The following TEX36 variants were observed in gnomAD, a reference collection of about 807,000 sequenced individuals.
TEX36 encodes testis expressed 36.
TEX36 carries 12 observed loss-of-function variants against 13.6 expected under a neutral mutation model. The ratio of observed to expected loss-of-function variants is 0.88; its 90% confidence interval spans 0.56 to 1.43. The LOEUF (loss-of-function observed/expected upper bound fraction) is 1.43. Ranked by LOEUF, TEX36 falls within the 40% of genes most tolerant of loss-of-function variation. The probability of loss-of-function intolerance (pLI) is 0.00; values close to 1 mark genes in which losing one functional copy is unlikely to be tolerated. For synonymous variants in TEX36, 93 were observed against 83.0 expected, an observed-to-expected ratio of 1.12 and a Z score of -0.65; for missense variants, 224 against 228.3, an observed-to-expected ratio of 0.98 and a Z score of 0.12.
intron 3 of TEX36, among the ~76,000 whole-genome samples, chr10:125,593,551 G>A (rs1017752901): frequency 6.6e-6 from 1 of 152,196 alleles, no homozygotes; most frequent in Non-Finnish European, 1.5e-5. Flanking sequence ...TAGAAAATTC[G>A]TGGATGGTGC....
chr10:125,577,289 G>A (rs1011967707), intron 3 of TEX36, among the ~76,000 whole-genome samples: 2 of 152,152 alleles, frequency 1.3e-5, no homozygotes, highest in African/African-American at 4.8e-5. Flanking sequence ...TTGAGCCCAG[G>A]AGTTGGAGAC....
chr10:125,649,448 T>C (rs553371648), intron 3 of TEX36, among the ~76,000 whole-genome samples: 11 of 152,282 alleles, frequency 7.2e-5, no homozygotes, highest in Admixed American at 3.9e-4. Context: ...GACAAACAAA[T>C]GCGGAGAGAT....
intron 3 of TEX36, among the ~76,000 whole-genome samples, chr10:125,643,010 C>T (rs1342208540): frequency 6.6e-6 from 1 of 152,206 alleles, no homozygotes; most frequent in African/African-American, 2.4e-5. Flanking sequence ...GGGGTGCTGG[C>T]ATGGAGGCAG....
intron 3 of TEX36, among the ~76,000 whole-genome samples, chr10:125,583,047 CCA>C (rs1565166271): frequency 6.6e-6 from 1 of 152,170 alleles, no homozygotes; most frequent in Non-Finnish European, 1.5e-5. Flanking sequence ...TCCTATCCTA[CCA>C]CACAATCAGA....
intron 3 of TEX36, among the ~76,000 whole-genome samples, chr10:125,582,995 A>C (rs1190648133): frequency 6.6e-6 from 1 of 152,238 alleles, no homozygotes; most frequent in Non-Finnish European, 1.5e-5. Context: ...CATGTTAGAC[A>C]TCTTCTTGCT....
chr10:125,603,470 G>C (rs530571428), intron 3 of TEX36, among the ~76,000 whole-genome samples: 10 of 151,998 alleles, frequency 6.6e-5, no homozygotes, highest in Non-Finnish European at 1.5e-4. Context: ...GCCACCCAGT[G>C]CTTCTCTTCT....
At chr10:125,670,777 G>A (rs1002023550) in intron 1 of TEX36, among the ~76,000 whole-genome samples, 1 of 151,880 alleles carries the variant, frequency 6.6e-6, no homozygotes, top group African/African-American at 2.4e-5. Flanking sequence ...GCATAAGGAA[G>A]GGGTCCAGTT....
intron 1 of TEX36, chr10:125,667,483 T>C (rs1447108442): frequency 1.4e-6 from 1 of 722,092 alleles, no homozygotes; most frequent in Admixed American, 1.8e-5. Context: ...AGGGGGTGTG[T>C]TCCCCAATCT....
intron 3 of TEX36, among the ~76,000 whole-genome samples, chr10:125,615,974 C>G (rs1049744389): frequency 6.6e-6 from 1 of 152,132 alleles, no homozygotes; most frequent in African/African-American, 2.4e-5. Context: ...TGTTATTGGT[C>G]TATTCAGAGA....
chr10:125,635,277 C>A (rs1160508698), intron 3 of TEX36, among the ~76,000 whole-genome samples: 4 of 152,214 alleles, frequency 2.6e-5, no homozygotes, highest in Non-Finnish European at 5.9e-5. Flanking sequence ...GGTAGCCAGA[C>A]TCTTACCCTG....
At chr10:125,651,745 AC>A (rs1273329370), downstream of TEX36, among the ~76,000 whole-genome samples, 1 of 152,058 alleles carries the variant, frequency 6.6e-6, no homozygotes, top group Non-Finnish European at 1.5e-5. Context: ...TATTTAGAAA[AC>A]CCCATCATCT....
rs1320420301 is a variant in TEX36 at position 125,667,426 on chromosome 10, G to A, written c.52-5449C>T. The A allele has an allele frequency of 3.4e-5, 23 of 679,366 alleles. 2 individuals are homozygous for A. The Admixed American group carries it at 3.6e-4, about 11-fold the overall frequency. The allele number at this position is 679,366 out of a possible 1,614,324, so 42.1% of individuals were successfully genotyped here. ...CAATGCCACTCTGCTAGCAGATGCT[G>A]GCATGACAGGCCAGGACGTTGGTAT... On this transcript the variant is annotated intron_variant, in intron 1 of 3. Transcript: ENST00000368821.
At chr10:125,600,811 G>A (rs1418133377) in intron 3 of TEX36, among the ~76,000 whole-genome samples, 1 of 152,114 alleles carries the variant, frequency 6.6e-6, no homozygotes, top group Non-Finnish European at 1.5e-5. Context: ...GTGTTTCAAG[G>A]GTACATGGAG....
At chr10:125,679,148 C>T (rs1008168645) in intron 1 of TEX36, among the ~76,000 whole-genome samples, 3 of 125,240 alleles carry the variant, frequency 2.4e-5, no homozygotes, top group African/African-American at 3.8e-5. Flanking sequence ...ACCCCCCCCG[C>T]CCCCGCCAAG....
downstream of TEX36, chr10:125,655,608 A>T: frequency 1.0e-6 from 1 of 995,584 alleles, no homozygotes; most frequent in Non-Finnish European, 1.2e-6. Flanking sequence ...ATCAAGGAGG[A>T]CTTTTGTTTC....
intron 1 of TEX36, among the ~76,000 whole-genome samples, chr10:125,680,732 G>A (rs1205106490): frequency 6.6e-6 from 1 of 152,154 alleles, no homozygotes; most frequent in Non-Finnish European, 1.5e-5. Context: ...GAAACTTCAT[G>A]ATCAGCACTA....
At chr10:125,576,799 A>C in exon 4 of TEX36, 1 of 1,535,924 alleles carries the variant, frequency 6.5e-7, no homozygotes, top group Non-Finnish European at 8.7e-7. Flanking sequence ...TGAGGAATGG[A>C]CTGGGTCCTC....
chr10:125,598,104 G>A lies in TEX36; in HGVS notation c.265-21230C>T, dbSNP rs577344923. Among the ~76,000 whole-genome samples the A allele has an allele frequency of 3.9e-5, 6 of 152,286 alleles. No homozygotes were observed. In the East Asian group the frequency reaches 7.7e-4, roughly 20 times the overall value. On this transcript the variant is annotated intron_variant, in intron 3 of 3. Transcript: ENST00000532135. ...AGGCCCCTAAGAGGGGTCCCTGCTA[G>A]GGTCTGTGGGCCACCTGCAAATATG... is the stretch of plus-strand genomic sequence containing the variant.
intron 1 of TEX36, among the ~76,000 whole-genome samples, chr10:125,672,212 T>C (rs568722219): frequency 6.6e-6 from 1 of 152,262 alleles, no homozygotes; most frequent in Admixed American, 6.5e-5. Flanking sequence ...GTTCTTTTAG[T>C]TGTGATGTTA....
Sources: allele counts gnomAD v4.1 joint callset (sites outside exome capture counted in the v4.1 genomes callset), GRCh38; gene constraint gnomAD v4.1.1; transcripts MANE v1.5; gene names NCBI Gene and HGNC (gene_info 2026-07-23, HGNC 2026-07-21).